The following TRIM37 variants were observed in gnomAD, a reference collection of about 807,000 sequenced individuals.
TRIM37 encodes E3 ubiquitin-protein ligase TRIM37.
Under a neutral mutation model 129.8 loss-of-function variants are expected in TRIM37, and 80 were observed. The observed-to-expected ratio is 0.62, with a 90% CI of 0.51 to 0.74. The LOEUF is 0.74. Ranked by LOEUF, TRIM37 falls within the 30% of genes least tolerant of loss-of-function variation. The pLI, the probability that TRIM37 is intolerant of heterozygous loss-of-function variation, is 0.00. For missense variants in TRIM37, 1,054 were observed against 1,176.5 expected (o/e 0.90, Z 1.52); for synonymous variants, 389 against 387.1 (o/e 1.00, Z -0.06).
At chr17:58,990,649 G>A (rs1463758638) in intron 24 of TRIM37, among the ~76,000 whole-genome samples, 2 of 150,646 alleles carry the variant, frequency 1.3e-5, no homozygotes, top group South Asian at 2.1e-4. Context: ...AAATTAGCTG[G>A]GTGTGGTGGT....
At chr17:59,069,726 A>G (rs904928158) in intron 9 of TRIM37, among the ~76,000 whole-genome samples, 2 of 152,184 alleles carry the variant, frequency 1.3e-5, no homozygotes, top group African/African-American at 4.8e-5. Context: ...CTAACCCCCA[A>G]TGTGACTGTA....
intron 11 of TRIM37, among the ~76,000 whole-genome samples, 154 bp downstream of exon 11, chr17:59,062,413 C>CT (rs1418476815): frequency 3.3e-5 from 5 of 151,932 alleles, no homozygotes; most frequent in South Asian, 4.2e-4. Context: ...AAACAGTTGT[C>CT]TAATATGGGG....
intron 9 of TRIM37, among the ~76,000 whole-genome samples, chr17:59,065,251 AAAC>A (rs1471545333): frequency 6.6e-6 from 1 of 152,248 alleles, no homozygotes; most frequent in East Asian, 1.9e-4. Context: ...TTAAAAAATG[AAAC>A]AACAGTCAGT....
At chr17:59,012,750 GCCTGTAATCCCAGCTACTC>G (rs2035452537) in intron 21 of TRIM37, among the ~76,000 whole-genome samples, 1 of 151,892 alleles carries the variant, frequency 6.6e-6, no homozygotes, top group South Asian at 2.1e-4. Context: ...GGTGGTGGGC[GCCTGTAATCCCAGCTACTC>G]GGGAGGCTGA....
chr17:59,060,847 A>G (rs2041422414), intron 12 of TRIM37, among the ~76,000 whole-genome samples, 185 bp downstream of exon 12: 1 of 152,234 alleles, frequency 6.6e-6, no homozygotes. Flanking sequence ...ACGCAAAGCA[A>G]TACAAGTTTT....
rs187053495 is a variant in TRIM37, at chr17:59,106,335, G to C, written c.21+106C>G. On this transcript the variant is annotated intron_variant, in intron 1 of 23. Coordinates refer to ENST00000262294, the MANE Select transcript of TRIM37 (RefSeq NM_015294.6). ...AGCCCTCTCCACAGCGGCAGGGGCG[G>C]GGTAGGGGTGCCCTACTGGAGGGAG... 4.8e-3 allele frequency: 6,406 copies of C among 1,339,614 alleles called. 21 individuals carry two copies. The highest frequency in any genetic ancestry group is 6.6e-3 in the Middle Eastern group (37 of 5,578). The allele number at this position is 1,339,614 out of a possible 1,614,324, so 83.0% of individuals were successfully genotyped here. A position where few individuals can be genotyped will look rare whatever the true frequency, so the allele number is the denominator to read the frequency against.
chr17:59,053,993 T>G (rs1158033919), intron 13 of TRIM37, among the ~76,000 whole-genome samples: 1 of 152,172 alleles, frequency 6.6e-6, no homozygotes, highest in Non-Finnish European at 1.5e-5. Flanking sequence ...ATCATATCCC[T>G]TGTTAAACTT....
downstream of TRIM37, among the ~76,000 whole-genome samples, chr17:58,996,792 ATGTGTGTGTG>A (rs111408971): frequency 0.012 from 924 of 79,404 alleles, 15 homozygotes; most frequent in African/African-American, 0.03. Context: ...GTATATATAT[ATGTGTGTGTG>A]TGTGTGTGTG....
intron 17 of TRIM37, among the ~76,000 whole-genome samples, chr17:59,033,703 C>T (rs973079541): frequency 3.3e-5 from 5 of 151,948 alleles, no homozygotes; most frequent in African/African-American, 7.2e-5. Flanking sequence ...TGTGAGCCAC[C>T]GCACCCAGCT....
In TRIM37 at chr17:59,056,586, C is replaced by T. The variant is rs192224932; in HGVS notation, c.1199+289G>A. ...CTACTAAAAATAGTAAAAAATTAGC[C>T]AGGCGTGGTGGCGGGCGCCTGTAGT... On this transcript the variant is annotated intron_variant, in intron 13 of 23. Transcript: ENST00000262294. 8.8e-3 allele frequency among the ~76,000 whole-genome samples: 1,335 copies of T among 151,030 alleles called. 20 individuals carry two copies. Among genetic ancestry groups the T allele is most frequent in the African/African-American group, 0.03 (1,225 of 41,274 alleles).
intron 24 of TRIM37, among the ~76,000 whole-genome samples, chr17:58,989,975 T>C (rs576351970): frequency 6.6e-6 from 1 of 150,444 alleles, no homozygotes; most frequent in African/African-American, 2.4e-5. Flanking sequence ...AGCTTAAACT[T>C]AGGAGTTCAA....
At chr17:59,083,088 AT>A (rs1250590595) in intron 5 of TRIM37, among the ~76,000 whole-genome samples, 2 of 152,174 alleles carry the variant, frequency 1.3e-5, no homozygotes, top group African/African-American at 4.8e-5. Flanking sequence ...TATTGTGTTT[AT>A]TCTCAACCTA....
intron 10 of TRIM37, among the ~76,000 whole-genome samples, chr17:59,062,891 CT>C (rs1392441570): frequency 6.6e-6 from 1 of 152,080 alleles, no homozygotes; most frequent in Non-Finnish European, 1.5e-5. Flanking sequence ...AAAAAAAACC[CT>C]CAAAATTGTG....
intron 17 of TRIM37, among the ~76,000 whole-genome samples, chr17:59,041,252 G>A (rs2039124396): frequency 2.0e-5 from 3 of 152,180 alleles, no homozygotes. Flanking sequence ...GAAAAATGCT[G>A]GGTCCACAAA....
downstream of TRIM37, among the ~76,000 whole-genome samples, chr17:58,996,101 A>T (rs1453350409): frequency 6.6e-6 from 1 of 152,256 alleles, no homozygotes; most frequent in African/African-American, 2.4e-5. Flanking sequence ...GGAAAACGTA[A>T]ATCTATAGTA....
rs1555701174 is a variant in TRIM37 at position 59,101,677 on chromosome 17, AAT to A, written c.123+2614_123+2615del. Among the ~76,000 whole-genome samples the A allele has an allele frequency of 7.7e-3, 780 of 101,414 alleles. 9 individuals are homozygous for A. Among genetic ancestry groups the A allele is most frequent in the East Asian group, 0.028 (92 of 3,330 alleles). The allele number at this position is 101,414 out of a possible 152,430, so 66.5% of individuals were successfully genotyped here. A position where few individuals can be genotyped will look rare whatever the true frequency, so the allele number is the denominator to read the frequency against. On this transcript the variant is annotated intron_variant, in intron 2 of 23. Coordinates refer to ENST00000262294, the MANE Select transcript of TRIM37 (RefSeq NM_015294.6). Reference sequence around the variant, plus strand: ...CTACAAAAAAAAAAAAAAAAAAAAAAATATATATATATATATATACACACACA... The same window carrying A: ...CTACAAAAAAAAAAAAAAAAAAAAAAATATATATATATATATACACACACA...
chr17:59,104,181 G>A, intron 2 of TRIM37, 112 bp downstream of exon 2: 1 of 952,578 alleles, frequency 1.0e-6, no homozygotes, highest in East Asian at 2.6e-5. Flanking sequence ...CAAGCACAGT[G>A]CAAGCAAGCA....
intron 22 of TRIM37, among the ~76,000 whole-genome samples, chr17:59,007,231 C>CCACCCACCCACACACACACACACA (rs60395023): frequency 1.0e-5 from 1 of 97,500 alleles, no homozygotes; most frequent in Non-Finnish European, 2.0e-5. Flanking sequence ...CCCCACCCAC[C>CCACCCACCCACACACACACACACA]CACACACACA....
At chr17:59,081,964 A>AAAAAAAAATAATAATAATAAT (rs1568200247) in intron 5 of TRIM37, among the ~76,000 whole-genome samples, 1 of 87,228 alleles carries the variant, frequency 1.1e-5, no homozygotes, top group African/African-American at 5.1e-5. Context: ...AAAAAAAAAA[A>AAAAAAAAATAATAATAATAAT]AATAATAATA....
Sources: allele counts gnomAD v4.1 joint callset (sites outside exome capture counted in the v4.1 genomes callset), GRCh38; gene constraint gnomAD v4.1.1; transcripts MANE v1.5; gene names NCBI Gene and HGNC (gene_info 2026-07-23, HGNC 2026-07-21).